Variants in PDZRN3 observed in about 807,000 individuals in gnomAD.
PDZRN3 encodes E3 ubiquitin-protein ligase PDZRN3.
Under a neutral mutation model 85.7 loss-of-function variants are expected in PDZRN3, and 38 were observed. The ratio of observed to expected loss-of-function variants is 0.44; its 90% CI spans 0.34 to 0.58. PDZRN3 has a LOEUF of 0.58. Among genes scored for constraint, PDZRN3 ranks in the 20% least tolerant of loss-of-function variants. PDZRN3 has a pLI of 0.01. For synonymous variants in PDZRN3, 759 were observed against 638.0 expected, an observed-to-expected ratio of 1.19 and a Z score of -2.86; for missense variants, 1,629 against 1,506.4, an observed-to-expected ratio of 1.08 and a Z score of -1.35.
chr3:73,403,981 G>T (rs1480582016), intron 4 of PDZRN3, among the ~76,000 whole-genome samples, 167 bp downstream of exon 4: 1 of 152,184 alleles, frequency 6.6e-6, no homozygotes, highest in Non-Finnish European at 1.5e-5. Flanking sequence ...TGTCGGAGCG[G>T]TTTTGAGCAG....
chr3:73,428,721 T>C (rs1702369277), intron 3 of PDZRN3, among the ~76,000 whole-genome samples: 1 of 152,204 alleles, frequency 6.6e-6, no homozygotes, highest in Non-Finnish European at 1.5e-5. Flanking sequence ...CCCTAGGTCG[T>C]TTCTTTTCAG....
chr3:73,564,704 G>A (rs989153913), intron 3 of PDZRN3, among the ~76,000 whole-genome samples: 4 of 152,122 alleles, frequency 2.6e-5, no homozygotes, highest in Non-Finnish European at 5.9e-5. Flanking sequence ...AATAATTAGT[G>A]GTAAGCCTCA....
At chr3:73,618,485 C>T (rs371704303) in intron 1 of PDZRN3, among the ~76,000 whole-genome samples, 271 of 152,170 alleles carry the variant, frequency 1.8e-3, no homozygotes, top group African/African-American at 5.9e-3. Context: ...CTGCTACTCC[C>T]ATTAAAAAAA....
chr3:73,474,349 G>T (rs981932184), intron 3 of PDZRN3: 2 of 534,354 alleles, frequency 3.7e-6, no homozygotes, highest in African/African-American at 2.0e-5. Flanking sequence ...CTTTACCTAT[G>T]CAGTATTTCT....
intron 3 of PDZRN3, among the ~76,000 whole-genome samples, chr3:73,512,055 T>G (rs780697339): frequency 1.4e-4 from 22 of 152,248 alleles, no homozygotes; most frequent in Non-Finnish European, 2.5e-4. Flanking sequence ...TGTTGTTAAT[T>G]CCATGACAAA....
At chr3:73,535,189 C>T (rs1342996320) in intron 3 of PDZRN3, among the ~76,000 whole-genome samples, 1 of 152,078 alleles carries the variant, frequency 6.6e-6, no homozygotes, top group Non-Finnish European at 1.5e-5. Context: ...AACAGAGCAG[C>T]TGCTGACCCA....
intron 3 of PDZRN3, among the ~76,000 whole-genome samples, chr3:73,595,576 G>A (rs1313002334): frequency 6.6e-6 from 1 of 152,022 alleles, no homozygotes; most frequent in Non-Finnish European, 1.5e-5. Context: ...AAAATCATTT[G>A]GTTTACAGCA....
chr3:73,411,683 ACT>A (rs1225150426), intron 3 of PDZRN3, among the ~76,000 whole-genome samples: 9 of 151,076 alleles, frequency 6.0e-5, no homozygotes, highest in Admixed American at 4.6e-4. Context: ...CTGCTGGGTG[ACT>A]CAGCTCCCTC....
chr3:73,610,411 A>G (rs1702665217), intron 1 of PDZRN3, among the ~76,000 whole-genome samples: 1 of 152,264 alleles, frequency 6.6e-6, no homozygotes, highest in Admixed American at 6.5e-5. Context: ...ATCCCTCTTT[A>G]TAACCAATTT....
intron 3 of PDZRN3, among the ~76,000 whole-genome samples, chr3:73,405,684 C>T (rs1298002335): frequency 6.6e-6 from 1 of 152,208 alleles, no homozygotes; most frequent in African/African-American, 2.4e-5. Context: ...ATAGTCCACT[C>T]TTGCAATGTG....
At chr3:73,401,254 T>C (rs561201233) in intron 4 of PDZRN3, among the ~76,000 whole-genome samples, 1 of 152,336 alleles carries the variant, frequency 6.6e-6, no homozygotes, top group East Asian at 1.9e-4. Context: ...ATGGGCTTTG[T>C]TGTTTGCAGA....
intron 3 of PDZRN3, among the ~76,000 whole-genome samples, chr3:73,412,303 G>A (rs909830393): frequency 2.6e-5 from 4 of 152,088 alleles, no homozygotes; most frequent in African/African-American, 9.7e-5. Flanking sequence ...TAAATACCTT[G>A]AATAAACTTG....
intron 5 of PDZRN3, among the ~76,000 whole-genome samples, chr3:73,399,688 C>T (rs561471210): frequency 2.6e-5 from 4 of 152,242 alleles, no homozygotes; most frequent in African/African-American, 9.6e-5. Flanking sequence ...TGTTAAATGG[C>T]AAGCGCTTTG....
chr3:73,444,868 G>C (rs1339073322), intron 3 of PDZRN3, among the ~76,000 whole-genome samples: 2 of 152,240 alleles, frequency 1.3e-5, no homozygotes, highest in Admixed American at 1.3e-4. Flanking sequence ...AGCCAGGCCA[G>C]AGCCACACGT....
chr3:73,410,559 C>G (rs538569571), intron 3 of PDZRN3, among the ~76,000 whole-genome samples: 248 of 152,304 alleles, frequency 1.6e-3, no homozygotes, highest in African/African-American at 5.8e-3. Flanking sequence ...CCATTTCAAG[C>G]ATCCTGCACA....
At chr3:73,529,449 C>T (rs1704603213) in intron 3 of PDZRN3, among the ~76,000 whole-genome samples, 1 of 152,222 alleles carries the variant, frequency 6.6e-6, no homozygotes, top group Admixed American at 6.5e-5. Flanking sequence ...ACCCCTCCCC[C>T]TATGGCTCTG....
At chr3:73,443,488 T>C (rs1274994020) in intron 3 of PDZRN3, among the ~76,000 whole-genome samples, 1 of 139,282 alleles carries the variant, frequency 7.2e-6, no homozygotes, top group African/African-American at 3.2e-5. Flanking sequence ...TCTTTTTTTT[T>C]TTTTTTTTTT....
chr3:73,586,918 A>C (rs1702286071), intron 3 of PDZRN3, among the ~76,000 whole-genome samples: 1 of 152,206 alleles, frequency 6.6e-6, no homozygotes, highest in Non-Finnish European at 1.5e-5. Flanking sequence ...GGGCCCATGA[A>C]CTTTGCCTCA....
At chr3:73,555,607 G>A (rs976945811) in intron 3 of PDZRN3, among the ~76,000 whole-genome samples, 2 of 152,164 alleles carry the variant, frequency 1.3e-5, no homozygotes, top group African/African-American at 2.4e-5. Flanking sequence ...CATTGCTTGA[G>A]TCTCAATCAA....
Sources: allele counts gnomAD v4.1 joint callset (sites outside exome capture counted in the v4.1 genomes callset), GRCh38; gene constraint gnomAD v4.1.1; transcripts MANE v1.5; gene names NCBI Gene and HGNC (gene_info 2026-07-23, HGNC 2026-07-21).